The following SLIT1 variants were observed in gnomAD, a reference collection of about 807,000 sequenced individuals.
The protein encoded by SLIT1 is slit guidance ligand 1.
SLIT1 carries 66 observed loss-of-function variants against 186.1 expected under a neutral mutation model. That is an observed-to-expected ratio of 0.35 (90% CI 0.29 to 0.44). The LOEUF is 0.44. Among genes scored for constraint, SLIT1 ranks in the 20% least tolerant of loss-of-function variants. The pLI is 1.00. For missense variants in SLIT1, 1,638 were observed against 2,037.4 expected (o/e 0.80, Z 3.77); for synonymous variants, 761 against 833.8 (o/e 0.91, Z 1.50).
chr10:97,024,049 C>CTT (rs779583849), intron 25 of SLIT1, among the ~76,000 whole-genome samples: 9 of 152,170 alleles, frequency 5.9e-5, no homozygotes, highest in Non-Finnish European at 7.3e-5. Flanking sequence ...ATATGAATGC[C>CTT]TTATGCCTAA....
chr10:97,115,185 T>C (rs971917521), intron 4 of SLIT1, among the ~76,000 whole-genome samples: 1 of 152,230 alleles, frequency 6.6e-6, no homozygotes, highest in Admixed American at 6.5e-5. Flanking sequence ...CCTTCCTGGC[T>C]TCCCCGTAAG....
Position 97,134,377 on chromosome 10 carries a change from C to T in SLIT1, c.413+23441G>A, listed in dbSNP as rs1159885532. Among the ~76,000 whole-genome samples, 3 of 152,198 alleles carry T rather than the reference C, an allele frequency of 2.0e-5. No individual in the cohort carries two copies. In the East Asian group the frequency reaches 5.8e-4, roughly 29 times the overall value. ...CAGTCTCCCGGGTGACACCTGAAGGCCGCGGTTTCCTGGCAACCAGGAACA... is the reference window on the plus strand; with the variant it reads ...CAGTCTCCCGGGTGACACCTGAAGGTCGCGGTTTCCTGGCAACCAGGAACA... On this transcript the variant is annotated intron_variant, in intron 4 of 36. Coordinates refer to ENST00000266058, the MANE Select transcript of SLIT1 (RefSeq NM_003061.3).
chr10:97,148,116 A>G (rs35444490), intron 4 of SLIT1, among the ~76,000 whole-genome samples: 126,254 of 151,522 alleles, frequency 0.83, 52,662 homozygotes, highest in Admixed American at 0.87. Context: ...TATGCAACCA[A>G]TTTACTTAAC....
At chr10:97,100,740 G>A (rs1250136502) in intron 4 of SLIT1, among the ~76,000 whole-genome samples, 8 of 152,050 alleles carry the variant, frequency 5.3e-5, no homozygotes, top group Admixed American at 2.6e-4. Context: ...ATCACACATC[G>A]GCAATTTTAA....
At chr10:97,046,088 C>T (rs1333105842) in intron 18 of SLIT1, among the ~76,000 whole-genome samples, 14 of 152,296 alleles carry the variant, frequency 9.2e-5, no homozygotes, top group Admixed American at 5.2e-4. Context: ...CTATGGGACA[C>T]GATACACACC....
At position 97,035,684 on chromosome 10, in the gene SLIT1, G is replaced by A. The variant is rs367990867; in HGVS notation, c.2367-1142C>T. On this transcript the variant is annotated intron_variant, in intron 22 of 36. Transcript: ENST00000266058. The stretch of plus-strand genomic sequence containing the variant: ...ACAAAGCTGACGAAACCCCACAGTG[G>A]CACCCATGTGCCTAGCATGTGGACT... 5.3e-5 allele frequency among the ~76,000 whole-genome samples: 8 copies of A among 152,318 alleles called. No individual in the cohort carries two copies. In the East Asian group the frequency reaches 9.6e-4, roughly 18 times the overall value.
intron 24 of SLIT1, 71 bp from the exon 25 acceptor site, chr10:97,030,899 C>T (rs1386918829): frequency 1.5e-6 from 2 of 1,314,438 alleles, no homozygotes. Flanking sequence ...GGGAGAGGCC[C>T]AGCCCTCTGC....
At chr10:97,112,557 C>T (rs1849474640) in intron 4 of SLIT1, among the ~76,000 whole-genome samples, 1 of 152,218 alleles carries the variant, frequency 6.6e-6, no homozygotes, top group African/African-American at 2.4e-5. Flanking sequence ...ATCTTCACAA[C>T]CACACTATGA....
At chr10:97,040,176 CT>C in intron 20 of SLIT1, 56 bp from the exon 21 acceptor site, 1 of 1,469,942 alleles carries the variant, frequency 6.8e-7, no homozygotes, top group Non-Finnish European at 9.0e-7. Context: ...GCTGTAGGGC[CT>C]CCTACAGTCA....
At chr10:97,157,521 C>T (rs561793976) in intron 4 of SLIT1, 1 of 385,038 alleles carries the variant, frequency 2.6e-6, no homozygotes, top group East Asian at 4.1e-5. Flanking sequence ...AGGCTGGCAT[C>T]ACCGTCCACA....
intron 25 of SLIT1, among the ~76,000 whole-genome samples, chr10:97,023,283 C>T (rs573216495): frequency 9.3e-4 from 135 of 144,580 alleles, no homozygotes; most frequent in Non-Finnish European, 1.6e-3. Flanking sequence ...CCAGTCTGGT[C>T]TCAAACTCCT....
At chr10:97,003,095 C>A in intron 34 of SLIT1, 103 bp from the exon 35 acceptor site, 1 of 1,148,776 alleles carries the variant, frequency 8.7e-7, no homozygotes, top group Non-Finnish European at 1.3e-6. Flanking sequence ...CTCTTGCCTG[C>A]GGCCTCTGTC....
Position 97,018,594 on chromosome 10 carries a change from G to A in SLIT1, c.2961C>T (p.Ala987=), listed in dbSNP as rs1446416821. Residue 987 remains alanine, a synonymous_variant, in exon 28 of 37, where the codon GCC becomes GCT. Transcript: ENST00000266058. The part of the protein sequence containing the change: ...GTCHAQEGED[A]PFTCSCPTGF... The stretch of plus-strand genomic sequence containing the variant: ...CCCTCCAGGTAACTCACGTGAACGG[G>A]GCATCCTCGCCCTCCTGTGCATGGC... 1 of 1,580,930 alleles carries A rather than the reference G, an allele frequency of 6.3e-7. No homozygotes were observed. The highest frequency in any genetic ancestry group is 8.6e-7 in the Non-Finnish European group (1 of 1,162,638).
At chr10:97,088,803 G>A (rs902652679) in intron 4 of SLIT1, among the ~76,000 whole-genome samples, 4 of 152,166 alleles carry the variant, frequency 2.6e-5, no homozygotes, top group Non-Finnish European at 4.4e-5. Context: ...AGGGGCCCAC[G>A]TCCATAAAGG....
intron 26 of SLIT1, among the ~76,000 whole-genome samples, chr10:97,019,446 C>T (rs973483146): frequency 3.3e-5 from 5 of 152,170 alleles, no homozygotes; most frequent in East Asian, 3.8e-4. Context: ...TTGCTACCAC[C>T]GAAGTTGGCC....
chr10:97,021,472 G>A lies in SLIT1; in HGVS notation c.2583-59C>T. On this transcript the variant is annotated intron_variant, in intron 25 of 36. Coordinates refer to ENST00000266058, the MANE Select transcript of SLIT1 (RefSeq NM_003061.3). This position sits in a 1 kb window ranked among gnomAD's most constrained non-coding sequence, Gnocchi z 4.5. ...GCTTCATGGGGTCCCTCGCCCACTG[G>A]GAACCTAGAGTCCCAGGCACTGCAC... 6.5e-7 allele frequency: 1 copy of A among 1,528,460 alleles called. No individual in the cohort carries two copies. The highest frequency in any genetic ancestry group is 8.9e-7 in the Non-Finnish European group (1 of 1,123,296). The allele number at this position is 1,528,460 out of a possible 1,614,324, so 94.7% of individuals were successfully genotyped here. A position where few individuals can be genotyped will look rare whatever the true frequency, so the allele number is the denominator to read the frequency against.
rs1197542909 is a variant in SLIT1, at chr10:97,021,411, G to A, written c.2585C>T (p.Ala862Val). 2 of 1,612,726 alleles carry A rather than the reference G, an allele frequency of 1.2e-6. No individual in the cohort carries two copies. The highest frequency in any genetic ancestry group is 1.7e-6 in the Non-Finnish European group (2 of 1,179,270). ...FADVTSLSHLAIGANPLYCDC... is the reference protein window; with the variant it reads ...FADVTSLSHLVIGANPLYCDC... ...ACAGTATAGGGGGTTGGCACCAATG[G>A]CCCTGAGCAGAAAGCAGAGAGAAGC... Residue 862 changes from alanine (A) to valine (V), a missense_variant and splice_region_variant, in exon 26 of 37, where the codon GCC (alanine) becomes GTC (valine). Around this residue, in one of 3 missense-constraint regions of SLIT1, gnomAD observed 1,245 missense variants for 1,535.3 expected, o/e 0.81. Coordinates refer to ENST00000266058, the MANE Select transcript of SLIT1 (RefSeq NM_003061.3). This position sits in a 1 kb window ranked among gnomAD's most constrained non-coding sequence, Gnocchi z 4.5.
At chr10:97,062,298 G>C (rs1848900829) in intron 8 of SLIT1, among the ~76,000 whole-genome samples, 1 of 152,176 alleles carries the variant, frequency 6.6e-6, no homozygotes, top group East Asian at 1.9e-4. Context: ...GTGTCTGCCA[G>C]TGCAATGGAG....
At position 97,030,834 on chromosome 10, in the gene SLIT1, A is replaced by G. The variant is rs1848584115; in HGVS notation, c.2511-6T>C. 1.2e-6 allele frequency: 2 copies of G among 1,613,560 alleles called. No homozygotes were observed. The highest frequency in any genetic ancestry group is 1.7e-6 in the Non-Finnish European group (2 of 1,179,708). The stretch of plus-strand genomic sequence containing the variant: ...TGTCATTGCCGTGGAGAGACCTGAG[A>G]AGGGAAGAGGCTGCTGGTGCCTTAT... On this transcript the variant is annotated splice_polypyrimidine_tract_variant and splice_region_variant and intron_variant, in intron 24 of 36. Coordinates refer to ENST00000266058, the MANE Select transcript of SLIT1 (RefSeq NM_003061.3).
Sources: gnomAD v4.1 joint callset for allele counts (sites outside exome capture counted in the v4.1 genomes callset) on GRCh38, gnomAD v4.1.1 for gene constraint, gnomAD v4.1.1 regional missense constraint, Gnocchi (gnomAD v3.1) non-coding constraint, MANE v1.5 for transcripts, NCBI Gene and HGNC (gene_info 2026-07-23, HGNC 2026-07-21) for gene names.